PNLIP: variants seen among roughly 807,000 people sequenced by gnomAD.
PNLIP encodes pancreatic lipase.
In PNLIP, 49 loss-of-function variants were observed where a neutral mutation model predicts 57.1. The observed-to-expected ratio is 0.86, with a 90% CI of 0.68 to 1.09. The LOEUF (loss-of-function observed/expected upper bound fraction) is 1.09, where lower values mean the gene tolerates loss of function less well. PNLIP is among the 50% of genes least tolerant of loss of function. The pLI, the probability that PNLIP is intolerant of heterozygous loss-of-function variation, is 0.00. For missense variants in PNLIP, 503 were observed against 570.2 expected, an observed-to-expected ratio of 0.88 and a Z score of 1.20; for synonymous variants, 209 against 200.4, an observed-to-expected ratio of 1.04 and a Z score of -0.36.
At chr10:116,561,433 A>G (rs1486993090) in intron 11 of PNLIP, 39 bp from the exon 12 acceptor site, 1 of 1,430,588 alleles carries the variant, frequency 7.0e-7, no homozygotes, top group South Asian at 1.2e-5. Flanking sequence ...ATTTACATGT[A>G]TGCTCATGTA....
intron 12 of PNLIP, 82 bp from the exon 13 acceptor site, chr10:116,567,652 TG>T: frequency 8.9e-7 from 1 of 1,124,740 alleles, no homozygotes; most frequent in Non-Finnish European, 1.4e-6. Flanking sequence ...ACTAGGAGGT[TG>T]GGGGCATAGA....
At chr10:116,549,486 A>T (rs867741541) in intron 4 of PNLIP, among the ~76,000 whole-genome samples, 9 of 152,062 alleles carry the variant, frequency 5.9e-5, no homozygotes, top group African/African-American at 1.9e-4. Flanking sequence ...CTCAAAAAAA[A>T]AACAAAAAAA....
Position 116,564,023 on chromosome 10 carries a change from C to A in PNLIP, c.1334+2387C>A, listed in dbSNP as rs1041670836. Among the ~76,000 whole-genome samples the A allele has an allele frequency of 1.7e-4, 26 of 152,036 alleles. 1 individual carries two copies. The highest frequency in any genetic ancestry group is 1.4e-3 in the Admixed American group (21 of 15,262). On this transcript the variant is annotated intron_variant, in intron 12 of 12. Transcript: ENST00000369221. Reference sequence around the variant, plus strand: ...GAAAAATATATGTGAAGAAATAATACCTTGAAAATTTTCAAACATGGTGAA... The same window carrying A: ...GAAAAATATATGTGAAGAAATAATAACTTGAAAATTTTCAAACATGGTGAA...
At chr10:116,567,668 C>A in intron 12 of PNLIP, 67 bp from the exon 13 acceptor site, 2 of 1,334,876 alleles carry the variant, frequency 1.5e-6, no homozygotes, top group Non-Finnish European at 2.2e-6. Context: ...CATAGATTGT[C>A]CTCACTGTCA....
intron 2 of PNLIP, 95 bp from the exon 3 acceptor site, chr10:116,547,199 A>T (rs1847134857): frequency 8.5e-7 from 1 of 1,178,518 alleles, no homozygotes; most frequent in African/African-American, 1.5e-5. Flanking sequence ...AGAGGAGGAA[A>T]GTCTACCACA....
In PNLIP at chr10:116,556,036, G is replaced by T; in HGVS notation, c.848G>T (p.Ser283Ile). Residue 283 changes from serine (S) to isoleucine (I), a missense_variant, in exon 9 of 13, where the codon AGC becomes ATC. Transcript: ENST00000369221. ...TTTGCGGCCTGTAATCACTTAAGAAGCTACAAATATTACACTGATAGCATC... is the reference window on the plus strand; with the variant it reads ...TTTGCGGCCTGTAATCACTTAAGAATCTACAAATATTACACTGATAGCATC... ...RDFAACNHLR[S>I]YKYYTDSIVN... 6.2e-7 allele frequency: 1 copy of T among 1,613,776 alleles called. No homozygotes were observed. Among genetic ancestry groups the T allele is most frequent in the South Asian group, 1.1e-5 (1 of 91,058 alleles).
intron 11 of PNLIP, 81 bp from the exon 12 acceptor site, chr10:116,561,391 A>G: frequency 2.0e-6 from 2 of 1,013,578 alleles, no homozygotes; most frequent in Admixed American, 2.3e-5. Context: ...ATATATGTAC[A>G]CACTTACATA....
rs750564141 is a variant in PNLIP, at chr10:116,567,732, C to T, written c.1335-3C>T. On this transcript the variant is annotated splice_polypyrimidine_tract_variant and splice_region_variant and intron_variant, in intron 12 of 12. Transcript: ENST00000369221. ...GTGACTTTGTGTTGTTTTTTCTCCACAGGTTCAACTTCTGTAGTCCAGAAA... is the reference window on the plus strand; with the variant it reads ...GTGACTTTGTGTTGTTTTTTCTCCATAGGTTCAACTTCTGTAGTCCAGAAA... 41 of 1,613,234 alleles carry T rather than the reference C, an allele frequency of 2.5e-5. 1 individual carries two copies. In the South Asian group the frequency reaches 4.5e-4, roughly 18 times the overall value.
At chr10:116,563,244 A>T (rs1847332723) in intron 12 of PNLIP, among the ~76,000 whole-genome samples, 1 of 152,220 alleles carries the variant, frequency 6.6e-6, no homozygotes, top group African/African-American at 2.4e-5. Context: ...AGACTTTAGG[A>T]ATAGTTCCAT....
intron 5 of PNLIP, 138 bp downstream of exon 5, chr10:116,551,370 C>G (rs545273180): frequency 3.5e-6 from 2 of 571,584 alleles, no homozygotes; most frequent in East Asian, 7.0e-5. Context: ...CTCTTGGCTA[C>G]AAAGAAAAAT....
chr10:116,558,926 G>A (rs533726331), intron 9 of PNLIP, among the ~76,000 whole-genome samples: 31 of 152,240 alleles, frequency 2.0e-4, no homozygotes, highest in African/African-American at 5.8e-4. Context: ...CGCCCGGCTC[G>A]TTGTAGATTT....
chr10:116,559,332 T>C (rs764974521), intron 10 of PNLIP, 49 bp downstream of exon 10: 1 of 1,383,502 alleles, frequency 7.2e-7, no homozygotes, highest in South Asian at 1.2e-5. Context: ...ATATATTTTA[T>C]TATTATGTCC....
chr10:116,558,308 C>T lies in PNLIP; in HGVS notation c.931-846C>T, dbSNP rs551814743. Among the ~76,000 whole-genome samples, 3 of 151,788 alleles carry T rather than the reference C, an allele frequency of 2.0e-5. No homozygotes were observed. In the South Asian group the frequency reaches 6.2e-4, roughly 32 times the overall value. On this transcript the variant is annotated intron_variant, in intron 9 of 12. Coordinates refer to ENST00000369221, the MANE Select transcript of PNLIP (RefSeq NM_000936.4). ...CACCTCTTGGGTTCACACCATCCTG[C>T]CTCAGCCTCCCAAGTAGCTGGGACT...
At chr10:116,557,751 C>T (rs1233512737) in intron 9 of PNLIP, among the ~76,000 whole-genome samples, 1 of 152,166 alleles carries the variant, frequency 6.6e-6, no homozygotes, top group African/African-American at 2.4e-5. Flanking sequence ...AATTGGGACA[C>T]TTGTCCTGCC....
chr10:116,560,478 T>A lies in PNLIP; in HGVS notation c.1123T>A (p.Ser375Thr). The A allele has an allele frequency of 6.2e-7, 1 of 1,608,548 alleles. No individual in the cohort carries two copies. Among genetic ancestry groups the A allele is most frequent in the East Asian group, 2.2e-5 (1 of 44,808 alleles). ...AAAGGTTACAGGACACATACTAGTT[T>A]CTTTGTTCGGAAATAAAGGAAACTC... ...GKKVTGHILV[S>T]LFGNKGNSKQ... The change falls in exon 11 of 13, where the codon TCT becomes ACT. Residue 375 changes from serine to threonine, a missense_variant. Ser to Thr is a moderately conservative substitution (Grantham distance 58, BLOSUM62 1). Coordinates refer to ENST00000369221, the MANE Select transcript of PNLIP (RefSeq NM_000936.4).
At chr10:116,549,577 A>G (rs769385703) in intron 4 of PNLIP, among the ~76,000 whole-genome samples, 1 of 152,158 alleles carries the variant, frequency 6.6e-6, no homozygotes, top group Non-Finnish European at 1.5e-5. Flanking sequence ...CAACTCCAGA[A>G]CCTATCCATT....
chr10:116,549,880 T>G (rs896479106), intron 4 of PNLIP, among the ~76,000 whole-genome samples: 1 of 152,142 alleles, frequency 6.6e-6, no homozygotes, highest in Non-Finnish European at 1.5e-5. Flanking sequence ...ACTATTGCTT[T>G]GAGACGCAGA....
At chr10:116,555,598 G>A in intron 8 of PNLIP, 91 bp downstream of exon 8, 1 of 1,380,492 alleles carries the variant, frequency 7.2e-7, no homozygotes, top group Non-Finnish European at 9.9e-7. Context: ...AATTGTACAG[G>A]TCTCACATTT....
chr10:116,565,021 G>A (rs1847349500), intron 12 of PNLIP, among the ~76,000 whole-genome samples: 1 of 152,014 alleles, frequency 6.6e-6, no homozygotes, highest in Non-Finnish European at 1.5e-5. Context: ...AGCACTTTGG[G>A]AGGCCGAGGC....
Sources: allele counts gnomAD v4.1 joint callset (sites outside exome capture counted in the v4.1 genomes callset), GRCh38; gene constraint gnomAD v4.1.1; transcripts MANE v1.5; gene names NCBI Gene and HGNC (gene_info 2026-07-23, HGNC 2026-07-21).